CACNA1D: variants seen among roughly 807,000 people sequenced by gnomAD.
CACNA1D encodes the protein calcium voltage-gated channel subunit alpha1 D.
Under a neutral mutation model 257.1 loss-of-function variants are expected in CACNA1D, and 55 were observed. That is an observed-to-expected ratio of 0.21 (90% CI 0.17 to 0.27). CACNA1D has a LOEUF of 0.27. Among genes scored for constraint, CACNA1D ranks in the 10% least tolerant of loss-of-function variants. The probability of loss-of-function intolerance (pLI) is 1.00; values close to 1 mark genes in which losing one functional copy is unlikely to be tolerated. For synonymous variants in CACNA1D, 980 were observed against 1,014.9 expected (o/e 0.97, Z 0.65); for missense variants, 1,876 against 2,784.0 (o/e 0.67, Z 7.34).
intron 4 of CACNA1D, 56 bp downstream of exon 4, chr3:53,650,974 G>GT: frequency 7.7e-7 from 1 of 1,305,064 alleles, no homozygotes; most frequent in Non-Finnish European, 1.1e-6. Context: ...GGTGGAGGTT[G>GT]GGGGGGGTGG....
chr3:53,503,880 A>G (rs1285661587), intron 3 of CACNA1D, among the ~76,000 whole-genome samples: 2 of 151,966 alleles, frequency 1.3e-5, no homozygotes, highest in Non-Finnish European at 2.9e-5. Context: ...ATGGCATTCA[A>G]CTTTGTGTCT....
At chr3:53,772,544 G>A (rs540083933) in intron 32 of CACNA1D, among the ~76,000 whole-genome samples, 2 of 152,192 alleles carry the variant, frequency 1.3e-5, no homozygotes, top group Non-Finnish European at 2.9e-5. Context: ...TGAGAGTTAC[G>A]TGTCTGTGTT....
At chr3:53,803,319 C>G (rs1361105709) in intron 43 of CACNA1D, 104 bp from the exon 44 acceptor site, 1 of 1,321,600 alleles carries the variant, frequency 7.6e-7, no homozygotes, top group Admixed American at 1.7e-5. Flanking sequence ...CTGGGAGAAG[C>G]CAGGAGCACC....
chr3:53,516,689 A>G (rs1217774826), intron 3 of CACNA1D, among the ~76,000 whole-genome samples: 2 of 152,222 alleles, frequency 1.3e-5, no homozygotes, highest in Non-Finnish European at 2.9e-5. Context: ...CCTCTGTGCA[A>G]TGAACTAGTA....
chr3:53,601,000 C>A (rs1280448942), intron 3 of CACNA1D, among the ~76,000 whole-genome samples: 4 of 152,214 alleles, frequency 2.6e-5, no homozygotes, highest in African/African-American at 9.7e-5. Context: ...CCCTCTCTAA[C>A]TCCACAGTAC....
intron 5 of CACNA1D, among the ~76,000 whole-genome samples, chr3:53,662,495 T>A (rs2094214093): frequency 6.6e-6 from 1 of 152,176 alleles, no homozygotes; most frequent in Non-Finnish European, 1.5e-5. Flanking sequence ...TTCAAGACCA[T>A]CAAAGTGGAA....
rs185299622 is a variant in CACNA1D at position 53,802,615 on chromosome 3, G to C, written c.5435+442G>C. Reference sequence around the variant, plus strand: ...CCCTGTAGCCCTCAAGATATGTGTAGTATATTCCACTCCACATGTATTGAC... The same window carrying C: ...CCCTGTAGCCCTCAAGATATGTGTACTATATTCCACTCCACATGTATTGAC... On this transcript the variant is annotated intron_variant, in intron 43 of 47. Coordinates refer to ENST00000350061, the MANE Select transcript of CACNA1D (RefSeq NM_001128840.3). Among the ~76,000 whole-genome samples the C allele has an allele frequency of 2.0e-5, 3 of 152,362 alleles. No individual in the cohort carries two copies. In the East Asian group the frequency reaches 5.8e-4, roughly 29 times the overall value.
intron 39 of CACNA1D, 77 bp from the exon 40 acceptor site, chr3:53,786,745 C>A: frequency 7.8e-7 from 1 of 1,284,046 alleles, no homozygotes; most frequent in Non-Finnish European, 1.1e-6. Flanking sequence ...CTGCCCCTGC[C>A]CCAGCCAGAA....
chr3:53,508,352 G>T (rs1462761338), intron 3 of CACNA1D, among the ~76,000 whole-genome samples: 1 of 151,944 alleles, frequency 6.6e-6, no homozygotes, highest in African/African-American at 2.4e-5. Context: ...AGGTTTGGGG[G>T]TACATGTGAA....
In CACNA1D at chr3:53,673,024, T is replaced by C; in HGVS notation, c.1118T>C (p.Met373Thr). 1 of 1,549,746 alleles carries C rather than the reference T, an allele frequency of 6.5e-7. No homozygotes were observed. The highest frequency in any genetic ancestry group is 8.7e-7 in the Non-Finnish European group (1 of 1,145,050). ...MEGWTDVLYW[M>T]NDAMGFELPW... ...ATGAGACCATCTTATTTCTTGCAGATGAATGATGCTATGGGATTTGAATTG... is the reference window on the plus strand; with the variant it reads ...ATGAGACCATCTTATTTCTTGCAGACGAATGATGCTATGGGATTTGAATTG... The change falls in exon 8 of 48, where the codon ATG becomes ACG. Residue 373 changes from methionine to threonine, a missense_variant and splice_region_variant. Transcript: ENST00000350061. The surrounding 1 kb of genome is among the most constrained non-coding windows in gnomAD (Gnocchi z 4.1).
chr3:53,771,170 C>G (rs2095364325), intron 32 of CACNA1D, among the ~76,000 whole-genome samples: 1 of 152,188 alleles, frequency 6.6e-6, no homozygotes, highest in Non-Finnish European at 1.5e-5. Flanking sequence ...CCCAGACATT[C>G]TAGCCTTCTG....
At chr3:53,560,872 C>T (rs2092726130) in intron 3 of CACNA1D, among the ~76,000 whole-genome samples, 2 of 152,088 alleles carry the variant, frequency 1.3e-5, no homozygotes, top group African/African-American at 2.4e-5. Flanking sequence ...TCAACAACTC[C>T]TCTTGATTGA....
At chr3:53,622,036 T>G (rs1214693049) in intron 3 of CACNA1D, among the ~76,000 whole-genome samples, 1 of 151,984 alleles carries the variant, frequency 6.6e-6, no homozygotes, top group African/African-American at 2.4e-5. Context: ...CCAGACACTT[T>G]GGGTAAACTT....
intron 47 of CACNA1D, chr3:53,810,617 G>A (rs2095592650): frequency 2.6e-6 from 1 of 389,706 alleles, no homozygotes; most frequent in South Asian, 2.1e-5. Flanking sequence ...AATTAGCCGG[G>A]CGTGGTGGTG....
At chr3:53,506,457 C>G (rs2090850826) in intron 3 of CACNA1D, among the ~76,000 whole-genome samples, 1 of 152,142 alleles carries the variant, frequency 6.6e-6, no homozygotes, top group Admixed American at 6.5e-5. Flanking sequence ...TTGGATGGAA[C>G]TAGAATATGA....
chr3:53,554,518 CT>C (rs1476239028), intron 3 of CACNA1D, among the ~76,000 whole-genome samples: 1 of 152,216 alleles, frequency 6.6e-6, no homozygotes, highest in East Asian at 1.9e-4. Context: ...GTGCCACCAC[CT>C]TTGAGTCCAC....
chr3:53,667,214 C>T (rs1281800689), intron 7 of CACNA1D, among the ~76,000 whole-genome samples: 1 of 152,180 alleles, frequency 6.6e-6, no homozygotes, highest in Non-Finnish European at 1.5e-5. Context: ...AACAGTTGGA[C>T]ACTCTTTCAA....
In CACNA1D at chr3:53,800,481, C is replaced by T. The variant is rs888249633; in HGVS notation, c.5040+116C>T. ...TGGAGAATGCAGCCCATCCCCAGGGCCTAGAGGGGCTTTCAGACCACACCC... is the reference window on the plus strand; with the variant it reads ...TGGAGAATGCAGCCCATCCCCAGGGTCTAGAGGGGCTTTCAGACCACACCC... On this transcript the variant is annotated intron_variant, in intron 41 of 47. Coordinates refer to ENST00000350061, the MANE Select transcript of CACNA1D (RefSeq NM_001128840.3). The surrounding 1 kb of genome is among the most constrained non-coding windows in gnomAD (Gnocchi z 4.3). 5 of 803,024 alleles carry T rather than the reference C, an allele frequency of 6.2e-6. No homozygotes were observed. In the African/African-American group the frequency reaches 8.4e-5, roughly 13 times the overall value. 49.7% of individuals were successfully genotyped at this position (803,024 alleles called of 1,614,324 possible).
chr3:53,603,397 C>T (rs1269050538), intron 3 of CACNA1D, among the ~76,000 whole-genome samples: 2 of 152,118 alleles, frequency 1.3e-5, no homozygotes, highest in Non-Finnish European at 2.9e-5. Context: ...CTCTTTGTGC[C>T]TCGGATTTCT....
Sources: allele counts gnomAD v4.1 joint callset (sites outside exome capture counted in the v4.1 genomes callset), GRCh38; gene constraint gnomAD v4.1.1; non-coding constraint Gnocchi (gnomAD v3.1); transcripts MANE v1.5; gene names NCBI Gene and HGNC (gene_info 2026-07-23, HGNC 2026-07-21).